HSPBP1: variants seen among roughly 807,000 people sequenced by gnomAD.
The protein encoded by HSPBP1 is hsp70-binding protein 1.
Under a neutral mutation model 41.7 loss-of-function variants are expected in HSPBP1, and 31 were observed. That is an observed-to-expected ratio of 0.74 (90% CI 0.56 to 1.00). HSPBP1 has a LOEUF of 1.00. Ranked by LOEUF, HSPBP1 falls within the 50% of genes least tolerant of loss-of-function variation. HSPBP1 has a pLI of 0.00. For missense variants in HSPBP1, 439 were observed against 487.9 expected (o/e 0.90, Z 0.94); for synonymous variants, 199 against 214.4 (o/e 0.93, Z 0.63).
intron 3 of HSPBP1, among the ~76,000 whole-genome samples, chr19:55,275,520 C>A (rs1218059371): frequency 6.6e-6 from 1 of 152,156 alleles, no homozygotes; most frequent in African/African-American, 2.4e-5. Context: ...AGCAGCTGGG[C>A]GTGGTGGCTC....
intron 3 of HSPBP1, among the ~76,000 whole-genome samples, chr19:55,276,104 CAA>C (rs59561808): frequency 1.2e-4 from 8 of 65,996 alleles, no homozygotes; most frequent in African/African-American, 2.5e-4. Context: ...GAGACTGACT[CAA>C]AAAAAAAAAA....
At chr19:55,279,820 C>T in intron 1 of HSPBP1, 118 bp from the exon 2 acceptor site, 2 of 1,168,462 alleles carry the variant, frequency 1.7e-6, no homozygotes, top group Non-Finnish European at 2.4e-6. Context: ...CAGGACCCTT[C>T]CCCAAAGTCA....
At chr19:55,279,897 A>C in intron 1 of HSPBP1, 138 bp downstream of exon 1, 4 of 543,670 alleles carry the variant, frequency 7.4e-6, no homozygotes, top group Non-Finnish European at 9.7e-6. Flanking sequence ...CCCCTTCCCC[A>C]TCTCCACTGC....
Position 55,262,500 on chromosome 19 carries a change from G to C in HSPBP1, c.*108C>G. 13 of 1,520,378 alleles carry C rather than the reference G, an allele frequency of 8.6e-6. No individual in the cohort carries two copies. The highest frequency in any genetic ancestry group is 1.1e-5 in the Non-Finnish European group (13 of 1,131,040). The allele number at this position is 1,520,378 out of a possible 1,614,324, so 94.2% of individuals were successfully genotyped here. ...ACAGAGACGGGCTGGCACACCCTGG[G>C]TCCAGGCACCTAGGCCCTGCGATCC... On this transcript the variant is annotated 3_prime_UTR_variant, in exon 8 of 8. Transcript: ENST00000433386.
rs1268683522 is a variant in HSPBP1, at chr19:55,268,439, A to G, written c.641-2153T>C. On this transcript the variant is annotated intron_variant, in intron 4 of 7. Coordinates refer to ENST00000433386, the MANE Select transcript of HSPBP1 (RefSeq NM_012267.5). This position sits in a 1 kb window ranked among gnomAD's most constrained non-coding sequence, Gnocchi z 4.5. ...GAGCGAAACTCCATCTCACACACACACAAAAAGAAAACCAAAAAAAGAAAA... is the reference window on the plus strand; with the variant it reads ...GAGCGAAACTCCATCTCACACACACGCAAAAAGAAAACCAAAAAAAGAAAA... 6.6e-6 allele frequency among the ~76,000 whole-genome samples: 1 copy of G among 152,094 alleles called. No individual in the cohort carries two copies. The highest frequency in any genetic ancestry group is 1.5e-5 in the Non-Finnish European group (1 of 68,020).
intron 3 of HSPBP1, among the ~76,000 whole-genome samples, chr19:55,276,433 A>T (rs901588378): frequency 6.6e-6 from 1 of 152,208 alleles, no homozygotes; most frequent in Non-Finnish European, 1.5e-5. Context: ...CTTCATCAGC[A>T]CTGTGCATCT....
In HSPBP1 at chr19:55,270,386, G is replaced by A. The variant is rs900311542; in HGVS notation, c.640+4012C>T. Among the ~76,000 whole-genome samples the A allele has an allele frequency of 2.0e-5, 3 of 152,178 alleles. No individual in the cohort carries two copies. Among genetic ancestry groups the A allele is most frequent in the African/African-American group, 7.2e-5 (3 of 41,446 alleles). On this transcript the variant is annotated intron_variant, in intron 4 of 7. Transcript: ENST00000433386. The surrounding 1 kb of genome is among the most constrained non-coding windows in gnomAD (Gnocchi z 5.4). Reference sequence around the variant, plus strand: ...CAGAGGGGGATTGTGAGGGATCAATGAGGTGCAGCGCACAGGGCTTAGTGC... The same window carrying A: ...CAGAGGGGGATTGTGAGGGATCAATAAGGTGCAGCGCACAGGGCTTAGTGC...
rs568702288 is a variant in HSPBP1, at chr19:55,268,679, T to A, written c.641-2393A>T. 3.9e-5 allele frequency among the ~76,000 whole-genome samples: 6 copies of A among 152,304 alleles called. No homozygotes were observed. The highest frequency in any genetic ancestry group is 1.2e-4 in the African/African-American group (5 of 41,570). On this transcript the variant is annotated intron_variant, in intron 4 of 7. Transcript: ENST00000433386. This position sits in a 1 kb window ranked among gnomAD's most constrained non-coding sequence, Gnocchi z 4.5. ...CATATTTATTTATTTTAGTTTATTT[T>A]ATTTCATTTTTGAGACAGAGTCTCG...
intron 4 of HSPBP1, among the ~76,000 whole-genome samples, chr19:55,267,279 T>C (rs901121509): frequency 6.6e-6 from 1 of 152,136 alleles, no homozygotes; most frequent in Non-Finnish European, 1.5e-5. Flanking sequence ...GCCCCCCAAG[T>C]AGCTGGGATT....
chr19:55,266,298 G>T lies in HSPBP1; in HGVS notation c.641-12C>A. ...CTCTCGGACCAGACCTGGGAGAGGG[G>T]GAAAGGTCCTGAGCTTGCAGTCACC... On this transcript the variant is annotated splice_polypyrimidine_tract_variant and intron_variant, in intron 4 of 7. Coordinates refer to ENST00000433386, the MANE Select transcript of HSPBP1 (RefSeq NM_012267.5). 1 of 1,563,224 alleles carries T rather than the reference G, an allele frequency of 6.4e-7. No homozygotes were observed. Among genetic ancestry groups the T allele is most frequent in the Non-Finnish European group, 8.7e-7 (1 of 1,154,160 alleles).
chr19:55,262,319 G>C lies in HSPBP1; in HGVS notation c.*289C>G. ...TCCCGTCCCCCATGCACCCTCCAAA[G>C]GAGATGACAAAGGCGGCAGTGAAGG... On this transcript the variant is annotated 3_prime_UTR_variant, in exon 8 of 8. Coordinates refer to ENST00000433386, the MANE Select transcript of HSPBP1 (RefSeq NM_012267.5). 8.1e-7 allele frequency: 1 copy of C among 1,240,866 alleles called. No individual in the cohort carries two copies. Among genetic ancestry groups the C allele is most frequent in the Non-Finnish European group, 1.0e-6 (1 of 978,476 alleles). 76.9% of individuals were successfully genotyped at this position (1,240,866 alleles called of 1,614,324 possible).
In HSPBP1 at chr19:55,274,547, C is replaced by T. The variant is rs548533606; in HGVS notation, c.491G>A (p.Arg164Gln). Reference protein sequence around the residue: ...LEAGAAGLRWRAAQLIGTCSQ... With the variant: ...LEAGAAGLRWQAAQLIGTCSQ... ...GCACGTGCCGATGAGCTGTGCCGCC[C>T]GCCACCGCAGTCCCGCAGCCCCCGC... is the stretch of plus-strand genomic sequence containing the variant. The change falls in exon 4 of 8, where the codon CGG becomes CAG. Residue 164 changes from arginine (R) to glutamine (Q), a missense_variant. Physicochemically the swap from Arg to Gln is conservative, Grantham distance 43. Transcript: ENST00000433386. The T allele has an allele frequency of 1.5e-5, 24 of 1,609,004 alleles. 1 individual carries two copies. The South Asian group carries it at 2.2e-4, about 15-fold the overall frequency.
rs779503686 is a variant in HSPBP1, at chr19:55,277,703, T to C, written c.354A>G (p.Gln118=). The C allele has an allele frequency of 6.2e-7, 1 of 1,605,610 alleles. No individual in the cohort carries two copies. Residue 118 remains glutamine (Q), a synonymous_variant, in exon 3 of 8, where the codon CAA becomes CAG. Transcript: ENST00000433386. ...GCAGCTCCAGGGCCCCCTCTCGCTC[T>C]TGCTGGTCGGCCGCCTGCTCGGCCT... The part of the protein sequence containing the change: ...AGEAEQAADQ[Q]EREGALELLA...
At chr19:55,277,323 A>C (rs1210824837) in intron 3 of HSPBP1, among the ~76,000 whole-genome samples, 1 of 152,150 alleles carries the variant, frequency 6.6e-6, no homozygotes, top group Non-Finnish European at 1.5e-5. Flanking sequence ...CAGGTCTCTG[A>C]TCAAACGTCA....
intron 1 of HSPBP1, 110 bp from the exon 2 acceptor site, chr19:55,279,812 G>A: frequency 1.6e-6 from 2 of 1,258,372 alleles, no homozygotes; most frequent in Admixed American, 2.2e-5. Context: ...CATACCCACA[G>A]GACCCTTCCC....
At chr19:55,274,346 C>CCCCCCCCCCCCCCCCCCCCCCCCCCCT in intron 4 of HSPBP1, 52 bp downstream of exon 4, 2 of 398,854 alleles carry the variant, frequency 5.0e-6, no homozygotes, top group Non-Finnish European at 8.8e-6. Context: ...GCCCACCCGG[C>CCCCCCCCCCCCCCCCCCCCCCCCCCCT]ACCCCCCCCC....
chr19:55,278,202 C>G (rs946844031), intron 2 of HSPBP1, among the ~76,000 whole-genome samples: 13 of 152,050 alleles, frequency 8.5e-5, no homozygotes, highest in African/African-American at 3.1e-4. Context: ...GAGCCAAGAT[C>G]AGGCCACTGC....
chr19:55,269,407 C>A (rs2087864823), intron 4 of HSPBP1, among the ~76,000 whole-genome samples: 1 of 152,188 alleles, frequency 6.6e-6, no homozygotes, highest in Admixed American at 6.5e-5. Flanking sequence ...TCCACCCACC[C>A]TCGCCGCATT....
chr19:55,278,162 C>T (rs910629562), intron 2 of HSPBP1, among the ~76,000 whole-genome samples: 1 of 152,158 alleles, frequency 6.6e-6, no homozygotes, highest in Non-Finnish European at 1.5e-5. Context: ...CAAAGGGAAT[C>T]GCTTGAACCT....
Sources: allele counts gnomAD v4.1 joint callset (sites outside exome capture counted in the v4.1 genomes callset), GRCh38; gene constraint gnomAD v4.1.1; non-coding constraint Gnocchi (gnomAD v3.1); transcripts MANE v1.5; gene names NCBI Gene and HGNC (gene_info 2026-07-23, HGNC 2026-07-21).